PXDNL: variants seen among roughly 807,000 people sequenced by gnomAD.
The protein encoded by PXDNL is probable oxidoreductase PXDNL.
In PXDNL, 145 loss-of-function variants were observed where a neutral mutation model predicts 150.8. The observed-to-expected ratio is 0.96, with a 90% CI of 0.84 to 1.10. The LOEUF is 1.10. Ranked by LOEUF, PXDNL falls within the 50% of genes least tolerant of loss-of-function variation. The pLI is 0.00. For missense variants in PXDNL, 2,087 were observed against 1,873.9 expected (o/e 1.11, Z -2.10); for synonymous variants, 757 against 725.7 (o/e 1.04, Z -0.69).
chr8:51,382,048 A>G (rs897548519), intron 17 of PXDNL, among the ~76,000 whole-genome samples: 13 of 152,168 alleles, frequency 8.5e-5, no homozygotes, highest in Admixed American at 7.2e-4. Context: ...ATGTTAACCC[A>G]GGATGGTCTC....
At chr8:51,681,362 G>C (rs1444750847) in intron 1 of PXDNL, among the ~76,000 whole-genome samples, 1 of 152,078 alleles carries the variant, frequency 6.6e-6, no homozygotes, top group Non-Finnish European at 1.5e-5. Flanking sequence ...ACCAATCCCG[G>C]AATTGTTTGT....
At chr8:51,416,211 G>A (rs1428859574) in intron 14 of PXDNL, among the ~76,000 whole-genome samples, 1 of 152,182 alleles carries the variant, frequency 6.6e-6, no homozygotes, top group Admixed American at 6.5e-5. Context: ...AGGTCTACGT[G>A]GATTTGGAAG....
intron 1 of PXDNL, among the ~76,000 whole-genome samples, chr8:51,719,021 C>T (rs113320784): frequency 1.3e-5 from 2 of 151,832 alleles, no homozygotes; most frequent in African/African-American, 2.4e-5. Flanking sequence ...CCAGCCGCCC[C>T]GTCCGGGAGG....
At chr8:51,742,688 A>G (rs1394783865) in intron 1 of PXDNL, among the ~76,000 whole-genome samples, 1 of 151,848 alleles carries the variant, frequency 6.6e-6, no homozygotes, top group African/African-American at 2.4e-5. Context: ...ATAAATGTAT[A>G]TATATCAGAG....
intron 2 of PXDNL, among the ~76,000 whole-genome samples, chr8:51,612,317 A>G (rs971020741): frequency 1.3e-5 from 2 of 152,130 alleles, no homozygotes; most frequent in African/African-American, 4.8e-5. Flanking sequence ...ATAGGAGGAG[A>G]AAGGCGAGTA....
intron 3 of PXDNL, among the ~76,000 whole-genome samples, chr8:51,563,762 A>G (rs570600908): frequency 4.7e-4 from 71 of 152,098 alleles, no homozygotes; most frequent in African/African-American, 1.7e-3. Flanking sequence ...ACATATTTCC[A>G]TGTGAAGAAC....
intron 2 of PXDNL, among the ~76,000 whole-genome samples, chr8:51,647,155 A>C (rs1262456397): frequency 6.6e-6 from 1 of 152,118 alleles, no homozygotes; most frequent in African/African-American, 2.4e-5. Context: ...GCAAATGATA[A>C]GAAGTCTCTA....
chr8:51,518,769 T>G (rs1235499455), intron 4 of PXDNL, among the ~76,000 whole-genome samples: 1 of 152,110 alleles, frequency 6.6e-6, no homozygotes, highest in Non-Finnish European at 1.5e-5. Context: ...AATTACATAT[T>G]AATGAGAAAG....
At chr8:51,637,137 T>C (rs968234923) in intron 2 of PXDNL, among the ~76,000 whole-genome samples, 6 of 152,140 alleles carry the variant, frequency 3.9e-5, no homozygotes, top group African/African-American at 1.4e-4. Flanking sequence ...GGGTCCTGAC[T>C]ATTAGAAGGA....
intron 20 of PXDNL, among the ~76,000 whole-genome samples, chr8:51,344,135 C>T (rs1449515846): frequency 6.6e-6 from 1 of 152,150 alleles, no homozygotes; most frequent in Non-Finnish European, 1.5e-5. Flanking sequence ...TAGACAGTCT[C>T]GTTCTATCAC....
At chr8:51,806,237 T>G (rs2037674057) in intron 1 of PXDNL, among the ~76,000 whole-genome samples, 1 of 152,212 alleles carries the variant, frequency 6.6e-6, no homozygotes, top group Non-Finnish European at 1.5e-5. Context: ...TTTTAAAACA[T>G]GTAAAAATGG....
At chr8:51,806,488 T>G (rs1369552371) in intron 1 of PXDNL, among the ~76,000 whole-genome samples, 9 of 152,222 alleles carry the variant, frequency 5.9e-5, no homozygotes, top group Admixed American at 5.9e-4. Context: ...TCATCTTTCA[T>G]GATATTGCTG....
At chr8:51,661,906 G>A (rs1387688404) in intron 1 of PXDNL, among the ~76,000 whole-genome samples, 1 of 149,068 alleles carries the variant, frequency 6.7e-6, no homozygotes, top group Non-Finnish European at 1.5e-5. Flanking sequence ...AATGGCTAAA[G>A]CAGCACTTAT....
chr8:51,609,883 T>C (rs1813960127), intron 2 of PXDNL, among the ~76,000 whole-genome samples: 1 of 152,146 alleles, frequency 6.6e-6, no homozygotes, highest in Admixed American at 6.5e-5. Flanking sequence ...GATAACCAGA[T>C]CACACCTGGA....
intron 4 of PXDNL, among the ~76,000 whole-genome samples, chr8:51,502,238 C>G (rs995991208): frequency 2.0e-5 from 3 of 152,164 alleles, no homozygotes; most frequent in African/African-American, 7.2e-5. Flanking sequence ...TTCACACAGC[C>G]AGCCTCTCTA....
chr8:51,749,343 G>T (rs1299616957), intron 1 of PXDNL, among the ~76,000 whole-genome samples: 1 of 152,162 alleles, frequency 6.6e-6, no homozygotes, highest in Non-Finnish European at 1.5e-5. Flanking sequence ...ACATCATAGA[G>T]TGTCCTTACA....
Position 51,413,235 on chromosome 8 carries a change from C to T in PXDNL, c.1819G>A (p.Asp607Asn), listed in dbSNP as rs375266728. Reference sequence around the variant, plus strand: ...AGAATGGAAGATTCAACAAAGTCATCGCCAGCTTGTCTACCCTGTATAGCT... The same window carrying T: ...AGAATGGAAGATTCAACAAAGTCATTGCCAGCTTGTCTACCCTGTATAGCT... ...VTAIQGRQAG[D>N]DFVESSILDA... Residue 607 changes from aspartate to asparagine, a missense_variant, in exon 15 of 23, where the codon GAT (aspartate) becomes AAT (asparagine). Asp to Asn is a conservative substitution (Grantham distance 23). Coordinates refer to ENST00000356297, the MANE Select transcript of PXDNL (RefSeq NM_144651.5). 9.8e-5 allele frequency: 158 copies of T among 1,611,408 alleles called. No homozygotes were observed. The highest frequency in any genetic ancestry group is 1.3e-4 in the Non-Finnish European group (154 of 1,177,922).
chr8:51,431,426 G>A (rs1439049346), intron 12 of PXDNL, among the ~76,000 whole-genome samples: 1 of 152,066 alleles, frequency 6.6e-6, no homozygotes, highest in Non-Finnish European at 1.5e-5. Context: ...TTATTCCACA[G>A]CCCACTTCAT....
chr8:51,743,991 G>A (rs1190603443), intron 1 of PXDNL, among the ~76,000 whole-genome samples: 1 of 107,418 alleles, frequency 9.3e-6, no homozygotes, highest in African/African-American at 3.2e-5. Flanking sequence ...GAAGGAAGGT[G>A]AGAGAGAAAG....
Sources: allele counts gnomAD v4.1 joint callset (sites outside exome capture counted in the v4.1 genomes callset), GRCh38; gene constraint gnomAD v4.1.1; transcripts MANE v1.5; gene names NCBI Gene and HGNC (gene_info 2026-07-23, HGNC 2026-07-21).